The following FANCL variants were observed in gnomAD, a reference collection of about 807,000 sequenced individuals.
FANCL encodes the protein E3 ubiquitin-protein ligase FANCL.
A neutral mutation model predicts 59.4 loss-of-function variants in FANCL; 69 were observed. That is an observed-to-expected ratio of 1.16 (90% confidence interval 0.96 to 1.42). The LOEUF (loss-of-function observed/expected upper bound fraction) is 1.42. Ranked by LOEUF, FANCL falls within the 40% of genes most tolerant of loss-of-function variation. The probability of loss-of-function intolerance (pLI) is 0.00; values close to 1 mark genes in which losing one functional copy is unlikely to be tolerated. For synonymous variants in FANCL, 180 were observed against 147.1 expected, an observed-to-expected ratio of 1.22 and a Z score of -1.62; for missense variants, 519 against 447.2, an observed-to-expected ratio of 1.16 and a Z score of -1.45.
intron 7 of FANCL, among the ~76,000 whole-genome samples, chr2:58,189,068 ACAT>A (rs1285430597): frequency 6.6e-6 from 1 of 152,192 alleles, no homozygotes; most frequent in East Asian, 1.9e-4. Flanking sequence ...AGCATAAAGC[ACAT>A]CAGTAGTTGC....
chr2:58,172,017 C>A (rs1034251188), intron 7 of FANCL, among the ~76,000 whole-genome samples: 3 of 152,228 alleles, frequency 2.0e-5, no homozygotes, highest in Admixed American at 1.3e-4. Context: ...AGTCTAAGAT[C>A]AAACTGCAAG....
At chr2:58,195,699 T>A (rs575460078) in intron 7 of FANCL, among the ~76,000 whole-genome samples, 76 of 151,840 alleles carry the variant, frequency 5.0e-4, no homozygotes, top group African/African-American at 1.8e-3. Context: ...ATGTTTATAA[T>A]AAAAGGAAAA....
rs146049339 is a variant in FANCL, at chr2:58,168,363, C to A, written c.541-2489G>T. Among the ~76,000 whole-genome samples, 888 of 152,262 alleles carry A rather than the reference C, an allele frequency of 5.8e-3. 12 individuals carry two copies. The highest frequency in any genetic ancestry group is 0.02 in the African/African-American group (838 of 41,542). Reference sequence around the variant, plus strand: ...GCGCAAGGGGTTGGGGAGCTCCCTCCCCTAGCCAAGGGAAGCCATGAGGGA... The same window carrying A: ...GCGCAAGGGGTTGGGGAGCTCCCTCACCTAGCCAAGGGAAGCCATGAGGGA... On this transcript the variant is annotated intron_variant, in intron 7 of 13. Transcript: ENST00000233741.
intron 7 of FANCL, among the ~76,000 whole-genome samples, chr2:58,194,458 G>A (rs1398411763): frequency 6.6e-6 from 1 of 152,146 alleles, no homozygotes; most frequent in Non-Finnish European, 1.5e-5. Context: ...ATTATGAGAT[G>A]TTCTCATCGT....
chr2:58,190,319 T>C (rs560896744), intron 7 of FANCL, among the ~76,000 whole-genome samples: 5 of 152,084 alleles, frequency 3.3e-5, no homozygotes, highest in South Asian at 2.1e-4. Context: ...AAATGAAACA[T>C]AGTCACCTCA....
intron 7 of FANCL, among the ~76,000 whole-genome samples, chr2:58,196,193 C>G (rs1689410669): frequency 6.6e-6 from 1 of 151,860 alleles, no homozygotes; most frequent in African/African-American, 2.4e-5. Context: ...GCCTATATAC[C>G]AATTTTGGGT....
intron 7 of FANCL, 62 bp downstream of exon 7, chr2:58,198,532 G>A: frequency 7.1e-7 from 1 of 1,400,260 alleles, no homozygotes; most frequent in Non-Finnish European, 1.0e-6. Flanking sequence ...TGGATACTCT[G>A]GGACAACTGT....
chr2:58,160,414 A>C (rs1684971185), intron 12 of FANCL, among the ~76,000 whole-genome samples: 1 of 152,068 alleles, frequency 6.6e-6, no homozygotes, highest in Admixed American at 6.6e-5. Context: ...GTTTATAACC[A>C]GATTATGGGC....
intron 5 of FANCL, among the ~76,000 whole-genome samples, chr2:58,218,650 T>C (rs927562261): frequency 1.3e-5 from 2 of 151,860 alleles, no homozygotes; most frequent in East Asian, 1.9e-4. Flanking sequence ...ATAAGCATTG[T>C]ATAGTTGATA....
At chr2:58,216,966 T>C (rs1344426896) in intron 5 of FANCL, among the ~76,000 whole-genome samples, 1 of 151,068 alleles carries the variant, frequency 6.6e-6, no homozygotes, top group South Asian at 2.1e-4. Flanking sequence ...TTTTTAAATA[T>C]TTTTAAAAAA....
chr2:58,214,552 A>G (rs375422145), intron 5 of FANCL, among the ~76,000 whole-genome samples: 1 of 152,154 alleles, frequency 6.6e-6, no homozygotes, highest in African/African-American at 2.4e-5. Flanking sequence ...ACTGTCACCT[A>G]GACTGAAGTG....
chr2:58,163,670 T>A (rs760395951), intron 8 of FANCL, among the ~76,000 whole-genome samples, 153 bp from the exon 9 acceptor site: 3 of 152,028 alleles, frequency 2.0e-5, no homozygotes, highest in African/African-American at 7.2e-5. Flanking sequence ...ATGGTAAATA[T>A]AATTGAACCA....
chr2:58,204,554 T>A (rs1690385740), intron 5 of FANCL, among the ~76,000 whole-genome samples: 1 of 152,122 alleles, frequency 6.6e-6, no homozygotes, highest in South Asian at 2.1e-4. Flanking sequence ...TCTACTTATG[T>A]ACACATTAAA....
chr2:58,171,576 G>T (rs961243632), intron 7 of FANCL, among the ~76,000 whole-genome samples: 1 of 152,152 alleles, frequency 6.6e-6, no homozygotes, highest in Non-Finnish European at 1.5e-5. Flanking sequence ...AAAAATCAAT[G>T]AACCCAGGAG....
chr2:58,180,400 T>C (rs537856003), intron 7 of FANCL, among the ~76,000 whole-genome samples: 2 of 152,168 alleles, frequency 1.3e-5, no homozygotes, highest in South Asian at 2.1e-4. Context: ...TAAAAAAGGA[T>C]GAGTTCATGT....
intron 7 of FANCL, among the ~76,000 whole-genome samples, chr2:58,185,333 G>T (rs1688297132): frequency 6.6e-6 from 1 of 151,952 alleles, no homozygotes; most frequent in Admixed American, 6.6e-5. Context: ...TCCGTATACG[G>T]GCTTGTCCAT....
rs1558737546 is a variant in FANCL at position 58,163,517 on chromosome 2, C to T, written c.692G>A (p.Gly231Asp). Residue 231 changes from glycine to aspartate, a missense_variant and splice_region_variant, in exon 9 of 14, where the codon GGT (glycine) becomes GAT (aspartate). Physicochemically the swap from Gly to Asp is moderately conservative, Grantham distance 94. Transcript: ENST00000233741. ...CTCTATATTTATGGAAACATTATTA[C>T]CTAGAATGAAACAAGATTAAATCTT... is the stretch of plus-strand genomic sequence containing the variant. ...RSATARRIAL[G>D]NNVSINIEVD... The T allele has an allele frequency of 1.3e-6, 2 of 1,570,740 alleles. No homozygotes were observed. Among genetic ancestry groups the T allele is most frequent in the Admixed American group, 1.7e-5 (1 of 59,706 alleles).
At chr2:58,217,114 A>G (rs1405635887) in intron 5 of FANCL, among the ~76,000 whole-genome samples, 1 of 133,698 alleles carries the variant, frequency 7.5e-6, no homozygotes, top group Non-Finnish European at 1.6e-5. Flanking sequence ...ACACACACAC[A>G]TTACATATAT....
At chr2:58,217,388 GC>G (rs1301323805) in intron 5 of FANCL, among the ~76,000 whole-genome samples, 4 of 150,268 alleles carry the variant, frequency 2.7e-5, no homozygotes, top group Admixed American at 1.3e-4. Flanking sequence ...TCTATTCCTT[GC>G]CTCTTCCAGT....
Sources: gnomAD v4.1 joint callset for allele counts (sites outside exome capture counted in the v4.1 genomes callset) on GRCh38, gnomAD v4.1.1 for gene constraint, MANE v1.5 for transcripts, NCBI Gene and HGNC (gene_info 2026-07-23, HGNC 2026-07-21) for gene names.